Variants in ABTB3 observed in about 807,000 individuals in gnomAD.
ABTB3 encodes ankyrin repeat- and BTB/POZ domain-containing protein 3.
chr12:107,492,556 C>A, the ABTB3 span, among the ~76,000 whole-genome samples: 5 of 152,104 alleles, frequency 3.3e-5, no homozygotes, highest in Non-Finnish European at 7.4e-5. Context: ...TCCCACAATC[C>A]TATAGTCACT....
At chr12:107,347,687 A>G in the ABTB3 span, among the ~76,000 whole-genome samples, 9 of 152,134 alleles carry the variant, frequency 5.9e-5, no homozygotes, top group Non-Finnish European at 1.0e-4. Flanking sequence ...GCTACGTTCA[A>G]AACTGACAGT....
the ABTB3 span, chr12:107,640,451 C>G: frequency 7.6e-7 from 1 of 1,308,550 alleles, no homozygotes; most frequent in South Asian, 1.4e-5. Context: ...TGCATTATGA[C>G]TTTGGCTGTT....
the ABTB3 span, among the ~76,000 whole-genome samples, chr12:107,579,117 G>A: frequency 4.6e-5 from 7 of 152,222 alleles, no homozygotes; most frequent in East Asian, 1.9e-4. Context: ...CAGGAGGAAC[G>A]TCTAGGGAGA....
the ABTB3 span, chr12:107,651,811 G>C: frequency 1.3e-6 from 2 of 1,593,494 alleles, no homozygotes; most frequent in African/African-American, 2.7e-5. Flanking sequence ...TTCTCGCGCA[G>C]TGCGCACACA....
the ABTB3 span, chr12:107,581,228 T>G: frequency 1.3e-6 from 2 of 1,533,432 alleles, no homozygotes; most frequent in South Asian, 1.2e-5. Flanking sequence ...CCGCAGCTTC[T>G]CCATGGACAG....
At chr12:107,549,603 G>A in the ABTB3 span, among the ~76,000 whole-genome samples, 521 of 152,344 alleles carry the variant, frequency 3.4e-3, 6 homozygotes, top group Non-Finnish European at 2.6e-3. Context: ...GGGAGGCCCA[G>A]TATGGGTAGA....
chr12:107,477,617 T>C, the ABTB3 span, among the ~76,000 whole-genome samples: 4 of 152,210 alleles, frequency 2.6e-5, no homozygotes, highest in African/African-American at 9.7e-5. Flanking sequence ...TTTTATTTTA[T>C]GCTAGTTTAT....
the ABTB3 span, among the ~76,000 whole-genome samples, chr12:107,340,483 C>T: frequency 6.6e-6 from 1 of 152,192 alleles, no homozygotes; most frequent in Non-Finnish European, 1.5e-5. Flanking sequence ...CCCATCTCTT[C>T]CCCCTTCCCT....
At chr12:107,557,016 A>C in the ABTB3 span, among the ~76,000 whole-genome samples, 2 of 152,142 alleles carry the variant, frequency 1.3e-5, no homozygotes, top group South Asian at 4.1e-4. Context: ...TGTCTCAAAA[A>C]AAAAAGTGGT....
At chr12:107,626,917 G>T in the ABTB3 span, among the ~76,000 whole-genome samples, 2 of 152,104 alleles carry the variant, frequency 1.3e-5, no homozygotes, top group Non-Finnish European at 2.9e-5. Flanking sequence ...GGAGGCCAAG[G>T]CAGGTGGATC....
At chr12:107,319,634 C>T in the ABTB3 span, 23 of 1,536,856 alleles carry the variant, frequency 1.5e-5, no homozygotes, top group Non-Finnish European at 1.6e-5. Context: ...CATCCACGAG[C>T]ACGCCGCCAT....
At chr12:107,336,622 A>G in the ABTB3 span, among the ~76,000 whole-genome samples, 2 of 152,272 alleles carry the variant, frequency 1.3e-5, no homozygotes, top group Admixed American at 6.5e-5. Flanking sequence ...AGTCATAGAA[A>G]ACCTCTATTA....
chr12:107,500,799 G>C, the ABTB3 span, among the ~76,000 whole-genome samples: 2 of 152,014 alleles, frequency 1.3e-5, no homozygotes, highest in African/African-American at 4.8e-5. Context: ...TTTGTCACCC[G>C]GAAGACTGCA....
chr12:107,318,826 A>G, the ABTB3 span: 5 of 1,254,690 alleles, frequency 4.0e-6, no homozygotes, highest in Non-Finnish European at 5.4e-6. Context: ...CGGCTAGTGG[A>G]AAAGTGAGCC....
At chr12:107,437,050 G>A in the ABTB3 span, among the ~76,000 whole-genome samples, 1 of 152,064 alleles carries the variant, frequency 6.6e-6, no homozygotes, top group Non-Finnish European at 1.5e-5. Flanking sequence ...GAACTCCTAG[G>A]GGCCCATGGG....
the ABTB3 span, chr12:107,520,642 T>C: frequency 3.9e-4 from 624 of 1,613,952 alleles, 1 homozygote; most frequent in Non-Finnish European, 3.5e-4. Flanking sequence ...ATTGAGTAAG[T>C]AGATGTTGGT....
At chr12:107,464,853 A>G in the ABTB3 span, among the ~76,000 whole-genome samples, 1 of 152,126 alleles carries the variant, frequency 6.6e-6, no homozygotes, top group African/African-American at 2.4e-5. Context: ...TCTGGATGGC[A>G]TAGCTGGGGA....
chr12:107,406,405 G>A, the ABTB3 span, among the ~76,000 whole-genome samples: 1 of 152,182 alleles, frequency 6.6e-6, no homozygotes, highest in East Asian at 1.9e-4. Flanking sequence ...ATTCCAGCCT[G>A]AGCCACAGAG....
At chr12:107,565,687 C>G in the ABTB3 span, among the ~76,000 whole-genome samples, 1 of 152,204 alleles carries the variant, frequency 6.6e-6, no homozygotes. Flanking sequence ...TTTACACTCA[C>G]CCCCTCGTTG....
Sources: allele counts gnomAD v4.1 joint callset (sites outside exome capture counted in the v4.1 genomes callset), GRCh38; gene constraint gnomAD v4.1.1; transcripts MANE v1.5; gene names NCBI Gene and HGNC (gene_info 2026-07-23, HGNC 2026-07-21).